The following ST6GALNAC3 variants were observed in gnomAD, a reference collection of about 807,000 sequenced individuals.
The protein encoded by ST6GALNAC3 is alpha-N-acetylgalactosaminide alpha-2,6-sialyltransferase 3.
ST6GALNAC3 carries 25 observed loss-of-function variants against 32.7 expected under a neutral mutation model. The ratio of observed to expected loss-of-function variants is 0.76; its 90% CI spans 0.56 to 1.07. The LOEUF is 1.07. Ranked by LOEUF, ST6GALNAC3 falls within the 50% of genes least tolerant of loss-of-function variation. The probability of loss-of-function intolerance (pLI) is 0.00; values close to 1 mark genes in which losing one functional copy is unlikely to be tolerated. For synonymous variants in ST6GALNAC3, 129 were observed against 133.1 expected (o/e 0.97, Z 0.21); for missense variants, 355 against 382.4 (o/e 0.93, Z 0.60).
At chr1:76,179,457 C>T (rs1370958900) in intron 1 of ST6GALNAC3, among the ~76,000 whole-genome samples, 1 of 152,206 alleles carries the variant, frequency 6.6e-6, no homozygotes, top group Non-Finnish European at 1.5e-5. Flanking sequence ...TGTGTCACCA[C>T]CATGTGTGGC....
chr1:76,333,378 G>C (rs1262578328), intron 2 of ST6GALNAC3, among the ~76,000 whole-genome samples: 3 of 152,112 alleles, frequency 2.0e-5, no homozygotes, highest in Non-Finnish European at 4.4e-5. Flanking sequence ...CAACTAGTGA[G>C]GTCTCAATGA....
At chr1:76,565,628 C>T (rs943014031) in intron 3 of ST6GALNAC3, among the ~76,000 whole-genome samples, 58 of 152,194 alleles carry the variant, frequency 3.8e-4, no homozygotes, top group Non-Finnish European at 1.6e-4. Context: ...ATGTGTGCTT[C>T]AGGCCTGGTT....
In ST6GALNAC3 at chr1:76,156,116, TAA is replaced by T. The variant is rs535363049; in HGVS notation, c.18+81233_18+81234del. On this transcript the variant is annotated intron_variant, in intron 1 of 4. Transcript: ENST00000328299. ...TTGGAATTTGTCTAAGGTTTTCTAA[TAA>T]TTAGACTGGGGTTATGGGTTTTTGA... is the stretch of plus-strand genomic sequence containing the variant. Among the ~76,000 whole-genome samples, 52 of 30,932 alleles carry T rather than the reference TAA, an allele frequency of 1.7e-3. 1 individual carries two copies. In the South Asian group the frequency reaches 0.23, roughly 138 times the overall value. 20.3% of individuals were successfully genotyped at this position (30,932 alleles called of 152,430 possible). A position where few individuals can be genotyped will look rare whatever the true frequency, so the allele number is the denominator to read the frequency against.
intron 3 of ST6GALNAC3, among the ~76,000 whole-genome samples, chr1:76,494,250 T>C (rs1195180637): frequency 1.3e-5 from 2 of 151,692 alleles, no homozygotes; most frequent in Non-Finnish European, 2.9e-5. Context: ...TCTGACATTC[T>C]GGTGGGGAAA....
At chr1:76,341,442 TTGTCTAATCCAC>T (rs1647960810) in intron 2 of ST6GALNAC3, among the ~76,000 whole-genome samples, 1 of 152,132 alleles carries the variant, frequency 6.6e-6, no homozygotes. Context: ...CACATTTTCT[TTGTCTAATCCAC>T]TGTTGATGGG....
chr1:76,383,680 A>G (rs1409346194), intron 2 of ST6GALNAC3, among the ~76,000 whole-genome samples: 1 of 152,184 alleles, frequency 6.6e-6, no homozygotes, highest in Non-Finnish European at 1.5e-5. Context: ...TTTAATATAA[A>G]GGAGCATATA....
chr1:76,124,558 A>T (rs544892893), intron 1 of ST6GALNAC3, among the ~76,000 whole-genome samples: 3 of 152,218 alleles, frequency 2.0e-5, no homozygotes, highest in African/African-American at 7.2e-5. Context: ...ACTGGCTCTG[A>T]TTTCCATTTC....
At chr1:76,537,915 T>G (rs1408532658) in intron 3 of ST6GALNAC3, among the ~76,000 whole-genome samples, 1 of 152,136 alleles carries the variant, frequency 6.6e-6, no homozygotes, top group African/African-American at 2.4e-5. Context: ...ACCAGATGGA[T>G]TCACAGCCGA....
chr1:76,400,208 T>C (rs1653298017), intron 2 of ST6GALNAC3, among the ~76,000 whole-genome samples: 1 of 152,196 alleles, frequency 6.6e-6, no homozygotes, highest in Admixed American at 6.5e-5. Flanking sequence ...CCCTTGTTGT[T>C]TTCCTTAAAT....
At chr1:76,339,446 C>G (rs991054862) in intron 2 of ST6GALNAC3, among the ~76,000 whole-genome samples, 4 of 152,144 alleles carry the variant, frequency 2.6e-5, no homozygotes, top group African/African-American at 9.7e-5. Context: ...AGATGGAACA[C>G]ACTCCTGCTG....
intron 3 of ST6GALNAC3, among the ~76,000 whole-genome samples, chr1:76,508,232 A>G (rs1460073885): frequency 6.6e-6 from 1 of 152,132 alleles, no homozygotes; most frequent in African/African-American, 2.4e-5. Context: ...TCGCACGCAG[A>G]GTACACAACA....
intron 3 of ST6GALNAC3, among the ~76,000 whole-genome samples, chr1:76,600,352 C>G (rs1361137139): frequency 6.6e-6 from 1 of 152,170 alleles, no homozygotes; most frequent in African/African-American, 2.4e-5. Context: ...TATAGCAACC[C>G]AAATTGACTA....
intron 3 of ST6GALNAC3, among the ~76,000 whole-genome samples, chr1:76,510,321 G>T (rs1249743845): frequency 4.6e-5 from 7 of 152,040 alleles, no homozygotes; most frequent in Non-Finnish European, 7.4e-5. Context: ...TGTGGCCTTT[G>T]ATTTCTACCC....
intron 1 of ST6GALNAC3, among the ~76,000 whole-genome samples, chr1:76,201,491 G>A (rs1487294110): frequency 2.0e-5 from 3 of 152,152 alleles, no homozygotes; most frequent in African/African-American, 7.2e-5. Flanking sequence ...GATTTGGGTG[G>A]GAACACAGCC....
chr1:76,231,739 G>T (rs1007412138), intron 1 of ST6GALNAC3, among the ~76,000 whole-genome samples: 4 of 152,080 alleles, frequency 2.6e-5, no homozygotes, highest in Non-Finnish European at 5.9e-5. Context: ...CCATTCATCT[G>T]TCAGTGGACA....
At chr1:76,523,288 T>G (rs315085) in intron 3 of ST6GALNAC3, among the ~76,000 whole-genome samples, 88,305 of 151,594 alleles carry the variant, frequency 0.58, 26,214 homozygotes, top group African/African-American at 0.71. Flanking sequence ...ATGTTATTCA[T>G]TTTTTTTATA....
At chr1:76,266,223 T>C (rs750301903) in intron 1 of ST6GALNAC3, among the ~76,000 whole-genome samples, 14 of 152,128 alleles carry the variant, frequency 9.2e-5, no homozygotes, top group Admixed American at 2.0e-4. Context: ...ATAAACGAGG[T>C]AGAGATGGAG....
intron 1 of ST6GALNAC3, among the ~76,000 whole-genome samples, chr1:76,193,965 C>T (rs1252896850): frequency 6.6e-6 from 1 of 152,136 alleles, no homozygotes; most frequent in Non-Finnish European, 1.5e-5. Context: ...ATTTTAATTA[C>T]TTTCTTACTC....
In ST6GALNAC3 at chr1:76,510,580, G is replaced by A. The variant is rs115486366; in HGVS notation, c.623+98163G>A. 1.3e-3 allele frequency among the ~76,000 whole-genome samples: 200 copies of A among 152,252 alleles called. 1 individual carries two copies. Among genetic ancestry groups the A allele is most frequent in the Non-Finnish European group, 4.1e-4 (28 of 68,002 alleles). ...TAATAATAACAACAGACAGTTATAT[G>A]GTGTTTCCTCTAGGCTATGCACTAT... On this transcript the variant is annotated intron_variant, in intron 3 of 4. Coordinates refer to ENST00000328299, the MANE Select transcript of ST6GALNAC3 (RefSeq NM_152996.4).
Sources: gnomAD v4.1 joint callset for allele counts (sites outside exome capture counted in the v4.1 genomes callset) on GRCh38, gnomAD v4.1.1 for gene constraint, MANE v1.5 for transcripts, NCBI Gene and HGNC (gene_info 2026-07-23, HGNC 2026-07-21) for gene names.